Variants in PHF14 observed in about 807,000 individuals in gnomAD.
PHF14 encodes the protein PHD finger protein 14.
PHF14 carries 55 observed loss-of-function variants against 117.9 expected under a neutral mutation model. That is an observed-to-expected ratio of 0.47 (90% CI 0.38 to 0.58). The LOEUF (loss-of-function observed/expected upper bound fraction) is 0.58. Ranked by LOEUF, PHF14 falls within the 20% of genes least tolerant of loss-of-function variation. The pLI, the probability that PHF14 is intolerant of heterozygous loss-of-function variation, is 0.00. For synonymous variants in PHF14, 409 were observed against 368.6 expected (o/e 1.11, Z -1.26); for missense variants, 978 against 1,122.2 (o/e 0.87, Z 1.84).
rs1312078259 is a variant in PHF14 at position 11,129,919 on chromosome 7, CA to C, written c.2772+18458del. On this transcript the variant is annotated intron_variant, in intron 17 of 17. Transcript: ENST00000634607. The stretch of plus-strand genomic sequence containing the variant: ...TCAGCACCAAGCAAAAAGAGATTGG[CA>C]AAAAATACAACATTTCAATAGAATT... Among the ~76,000 whole-genome samples, 3 of 151,756 alleles carry C rather than the reference CA, an allele frequency of 2.0e-5. No individual in the cohort carries two copies. The East Asian group carries it at 5.8e-4, about 29-fold the overall frequency.
intron 3 of PHF14, among the ~76,000 whole-genome samples, chr7:10,989,523 T>A (rs1308658278): frequency 1.3e-5 from 2 of 152,216 alleles, no homozygotes; most frequent in Non-Finnish European, 2.9e-5. Flanking sequence ...AGAATCATTT[T>A]CTTAACTTAC....
chr7:10,988,557 C>G (rs112967392), intron 3 of PHF14, among the ~76,000 whole-genome samples: 164 of 53,006 alleles, frequency 3.1e-3, no homozygotes, highest in African/African-American at 0.013. Flanking sequence ...TTTTTTTTAA[C>G]CTAGATGTGG....
chr7:11,013,540 T>A (rs575995619), intron 4 of PHF14, among the ~76,000 whole-genome samples: 2 of 152,348 alleles, frequency 1.3e-5, no homozygotes, highest in African/African-American at 4.8e-5. Context: ...AAACTATTTT[T>A]AAAATGTCAT....
chr7:11,121,997 T>C (rs181158752), intron 17 of PHF14, among the ~76,000 whole-genome samples: 2 of 151,938 alleles, frequency 1.3e-5, no homozygotes, highest in African/African-American at 4.8e-5. Flanking sequence ...TTTGTCCTAA[T>C]GCACTTCCTC....
chr7:11,044,037 C>A (rs1390520693), intron 13 of PHF14, among the ~76,000 whole-genome samples: 1 of 151,630 alleles, frequency 6.6e-6, no homozygotes, highest in Non-Finnish European at 1.5e-5. Context: ...TTTGTAGCAA[C>A]AAGGAGGCAG....
chr7:10,978,024 CT>C (rs759069593), intron 2 of PHF14, among the ~76,000 whole-genome samples: 40 of 152,308 alleles, frequency 2.6e-4, no homozygotes, highest in Middle Eastern at 3.4e-3. Flanking sequence ...CTCTCTACCC[CT>C]ATCCCCCACC....
intron 4 of PHF14, among the ~76,000 whole-genome samples, chr7:11,004,782 T>A (rs1223643047): frequency 6.6e-6 from 1 of 151,916 alleles, no homozygotes. Context: ...ATGCCTGTAA[T>A]CCCAGCACTT....
chr7:11,098,092 A>G (rs953788076), intron 16 of PHF14, among the ~76,000 whole-genome samples: 1 of 152,088 alleles, frequency 6.6e-6, no homozygotes, highest in African/African-American at 2.4e-5. Context: ...GTTAATTATA[A>G]AAATTTATAT....
intron 17 of PHF14, 64 bp from the exon 18 acceptor site, chr7:11,169,352 T>C (rs1030470011): frequency 5.5e-6 from 4 of 723,524 alleles, no homozygotes; most frequent in Admixed American, 6.6e-5. Context: ...TTAAAATCTG[T>C]CAAGTATAGC....
At chr7:11,009,997 A>G (rs1224713275) in intron 4 of PHF14, among the ~76,000 whole-genome samples, 1 of 152,162 alleles carries the variant, frequency 6.6e-6, no homozygotes, top group Non-Finnish European at 1.5e-5. Flanking sequence ...TGAAAAAGTG[A>G]ACTGCTGTGA....
At chr7:10,976,893 T>C (rs1640703) in intron 2 of PHF14, among the ~76,000 whole-genome samples, 105,354 of 148,608 alleles carry the variant, frequency 0.71, 38,305 homozygotes, top group African/African-American at 0.87. Context: ...CTTAAATTTG[T>C]GATCTGTGGT....
intron 17 of PHF14, among the ~76,000 whole-genome samples, chr7:11,147,598 C>T (rs1236935421): frequency 6.6e-6 from 1 of 152,194 alleles, no homozygotes; most frequent in African/African-American, 2.4e-5. Context: ...GTCAACCATT[C>T]TGTCTTTCTT....
intron 3 of PHF14, among the ~76,000 whole-genome samples, chr7:10,989,157 T>C (rs1413632151): frequency 3.3e-5 from 5 of 152,216 alleles, no homozygotes; most frequent in Admixed American, 2.6e-4. Flanking sequence ...ATATTCTTGT[T>C]GATGTTTGCA....
intron 17 of PHF14, among the ~76,000 whole-genome samples, chr7:11,122,931 T>A (rs532008329): frequency 2.6e-5 from 4 of 152,316 alleles, no homozygotes; most frequent in African/African-American, 9.6e-5. Context: ...AAATTCAGTT[T>A]GTCAAAATCA....
chr7:11,090,936 C>T (rs1554270856), intron 16 of PHF14, among the ~76,000 whole-genome samples: 3 of 152,048 alleles, frequency 2.0e-5, no homozygotes, highest in Non-Finnish European at 4.4e-5. Flanking sequence ...TAAACAGACA[C>T]AAATAAAGAC....
intron 16 of PHF14, chr7:11,063,341 G>A: frequency 5.1e-6 from 5 of 984,160 alleles, no homozygotes; most frequent in Non-Finnish European, 6.0e-6. Context: ...TCTGACCACA[G>A]TATAAATTTT....
At chr7:11,098,982 G>T (rs1396997558) in intron 16 of PHF14, among the ~76,000 whole-genome samples, 3 of 152,078 alleles carry the variant, frequency 2.0e-5, no homozygotes, top group Non-Finnish European at 4.4e-5. Context: ...AGTAAATTTT[G>T]TGCTATAATT....
At chr7:10,993,082 A>G (rs770417476) in intron 4 of PHF14, among the ~76,000 whole-genome samples, 14 of 152,144 alleles carry the variant, frequency 9.2e-5, no homozygotes, top group Non-Finnish European at 1.9e-4. Context: ...TACTGGTGAT[A>G]TTACTATTAC....
In PHF14 at chr7:11,063,064, A is replaced by T. The variant is rs6949600; in HGVS notation, c.2654+979A>T. The T allele has an allele frequency of 5.7e-3, 4,871 of 856,122 alleles. 199 individuals carry two copies. The African/African-American group carries it at 0.083, about 15-fold the overall frequency. 53.0% of individuals were successfully genotyped at this position (856,122 alleles called of 1,614,324 possible). ...CCAAATGATTTAATCTATTTTGGTC[A>T]TTAAAATATGTCTTAATTTCTCAAA... is the stretch of plus-strand genomic sequence containing the variant. On this transcript the variant is annotated intron_variant, in intron 16 of 17. Coordinates refer to ENST00000634607, the MANE Select transcript of PHF14 (RefSeq NM_001007157.2).
Sources: gnomAD v4.1 joint callset for allele counts (sites outside exome capture counted in the v4.1 genomes callset) on GRCh38, gnomAD v4.1.1 for gene constraint, MANE v1.5 for transcripts, NCBI Gene and HGNC (gene_info 2026-07-23, HGNC 2026-07-21) for gene names.